The following RBM19 variants were observed in gnomAD, a reference collection of about 807,000 sequenced individuals.
RBM19 encodes the protein RNA binding motif protein 19.
RBM19 carries 94 observed loss-of-function variants against 116.8 expected under a neutral mutation model. The observed-to-expected ratio is 0.80, with a 90% CI of 0.68 to 0.95. The LOEUF is 0.95. Among genes scored for constraint, RBM19 ranks in the 40% least tolerant of loss-of-function variants. The probability of loss-of-function intolerance (pLI) is 0.00; values close to 1 mark genes in which losing one functional copy is unlikely to be tolerated. For missense variants in RBM19, 1,161 were observed against 1,220.7 expected (o/e 0.95, Z 0.73); for synonymous variants, 475 against 494.1 (o/e 0.96, Z 0.51).
At chr12:113,856,162 C>T (rs2135736595) in intron 22 of RBM19, among the ~76,000 whole-genome samples, 1 of 152,262 alleles carries the variant, frequency 6.6e-6, no homozygotes, top group South Asian at 2.1e-4. Context: ...GTACTGTCCT[C>T]GGCTGCCCTT....
Position 113,946,343 on chromosome 12 carries a change from G to A in RBM19, c.1529+11C>T. 1 of 1,614,078 alleles carries A rather than the reference G, an allele frequency of 6.2e-7. No homozygotes were observed. Among genetic ancestry groups the A allele is most frequent in the Non-Finnish European group, 8.5e-7 (1 of 1,179,990 alleles). ...GGGTTGGAGCTCAGTGGTTTCAGGG[G>A]CACTGAGGACCTGGCACTGTTGGCT... is the stretch of plus-strand genomic sequence containing the variant. On this transcript the variant is annotated intron_variant, in intron 12 of 23. Coordinates refer to ENST00000261741, the MANE Select transcript of RBM19 (RefSeq NM_016196.4).
chr12:113,823,372 G>T, intron 23 of RBM19, 51 bp from the exon 24 acceptor site: 1 of 1,524,244 alleles, frequency 6.6e-7, no homozygotes, highest in South Asian at 1.1e-5. Context: ...CGAGAGGGTT[G>T]GGAGGCAGGA....
chr12:113,819,712 TAG>T (rs1359002396), downstream of RBM19, among the ~76,000 whole-genome samples: 1 of 152,176 alleles, frequency 6.6e-6, no homozygotes, highest in South Asian at 2.1e-4. Context: ...CTCAAAGGCT[TAG>T]AGTCTCCCAG....
intron 22 of RBM19, among the ~76,000 whole-genome samples, chr12:113,852,418 G>T (rs1877534463): frequency 6.6e-6 from 1 of 152,190 alleles, no homozygotes; most frequent in South Asian, 2.1e-4. Flanking sequence ...AATTCCTCCA[G>T]GGCTCTGCTG....
chr12:113,886,617 G>T (rs768087699), intron 21 of RBM19, among the ~76,000 whole-genome samples: 6 of 152,242 alleles, frequency 3.9e-5, no homozygotes, highest in Non-Finnish European at 5.9e-5. Context: ...CTGTGGTGTG[G>T]CCTTTCTCAG....
At chr12:113,855,868 T>C (rs1190069922) in intron 22 of RBM19, among the ~76,000 whole-genome samples, 5 of 152,108 alleles carry the variant, frequency 3.3e-5, no homozygotes, top group Admixed American at 3.3e-4. Flanking sequence ...TACGGGTCAG[T>C]GGAGAGTGCT....
At chr12:113,845,639 T>C (rs150059034) in intron 22 of RBM19, among the ~76,000 whole-genome samples, 1 of 152,310 alleles carries the variant, frequency 6.6e-6, no homozygotes, top group African/African-American at 2.4e-5. Context: ...ACCAGTCTGC[T>C]TTCTGTCTCT....
At chr12:113,827,973 G>A (rs1200610917) in intron 23 of RBM19, among the ~76,000 whole-genome samples, 1 of 151,930 alleles carries the variant, frequency 6.6e-6, no homozygotes, top group Non-Finnish European at 1.5e-5. Context: ...CTAGCACACG[G>A]CAAGCTGTCA....
chr12:113,936,311 T>C (rs931977217), intron 16 of RBM19, among the ~76,000 whole-genome samples: 1 of 152,196 alleles, frequency 6.6e-6, no homozygotes, highest in African/African-American at 2.4e-5. Flanking sequence ...TTCTAAGATG[T>C]GGTCATGGTC....
At chr12:113,845,725 A>G (rs1439336860) in intron 22 of RBM19, among the ~76,000 whole-genome samples, 1 of 152,156 alleles carries the variant, frequency 6.6e-6, no homozygotes, top group Non-Finnish European at 1.5e-5. Context: ...AAACATCGCT[A>G]GGTCTCAAGT....
chr12:113,830,627 T>A (rs1875333081), intron 23 of RBM19, among the ~76,000 whole-genome samples: 2 of 138,762 alleles, frequency 1.4e-5, no homozygotes, highest in South Asian at 2.5e-4. Context: ...TGGTCCCACA[T>A]GTTTGTATTA....
chr12:113,903,357 T>C lies in RBM19; in HGVS notation c.2558+11612A>G. 6.6e-6 allele frequency among the ~76,000 whole-genome samples: 1 copy of C among 152,230 alleles called. No homozygotes were observed. Among genetic ancestry groups the C allele is most frequent in the African/African-American group, 2.4e-5 (1 of 41,462 alleles). ...CCACGTTATCAGTAGTCCATTCCTA[T>C]TTATGGCCGAATAACATTCCATTGT... On this transcript the variant is annotated intron_variant, in intron 21 of 23. Transcript: ENST00000261741. This position sits in a 1 kb window ranked among gnomAD's most constrained non-coding sequence, Gnocchi z 5.1.
At chr12:113,857,744 G>A (rs1278560119) in intron 22 of RBM19, among the ~76,000 whole-genome samples, 1 of 152,242 alleles carries the variant, frequency 6.6e-6, no homozygotes, top group African/African-American at 2.4e-5. Flanking sequence ...CTCTGCCTGT[G>A]CATGTTCCCA....
At chr12:113,927,473 C>T (rs112597110) in intron 16 of RBM19, 7 of 484,918 alleles carry the variant, frequency 1.4e-5, no homozygotes, top group Non-Finnish European at 2.5e-5. Context: ...AAACACAGCC[C>T]TCAAATGGAG....
At chr12:113,840,856 G>C (rs1876403704) in intron 23 of RBM19, among the ~76,000 whole-genome samples, 1 of 152,130 alleles carries the variant, frequency 6.6e-6, no homozygotes, top group African/African-American at 2.4e-5. Context: ...ACACTACTCC[G>C]CTCTGGGAGC....
At chr12:113,910,331 C>A (rs116506012) in intron 21 of RBM19, among the ~76,000 whole-genome samples, 1 of 152,228 alleles carries the variant, frequency 6.6e-6, no homozygotes, top group Non-Finnish European at 1.5e-5. Context: ...GGCCACTACA[C>A]CCAGGCTCCA....
intron 15 of RBM19, among the ~76,000 whole-genome samples, chr12:113,937,584 A>G (rs1870185206): frequency 1.3e-5 from 2 of 152,058 alleles, no homozygotes; most frequent in African/African-American, 2.4e-5. Context: ...ATACGTGTGC[A>G]TATGTGTGCA....
At chr12:113,906,542 G>A (rs1016758490) in intron 21 of RBM19, among the ~76,000 whole-genome samples, 1 of 152,142 alleles carries the variant, frequency 6.6e-6, no homozygotes, top group Non-Finnish European at 1.5e-5. Context: ...GTTACACAGT[G>A]GTGCTGAATT....
At position 113,838,623 on chromosome 12, in the gene RBM19, G is replaced by A. The variant is rs572611626; in HGVS notation, c.2785+6045C>T. On this transcript the variant is annotated intron_variant, in intron 23 of 23. Transcript: ENST00000261741. ...ACCTGTATTTACCTCCCAGGATTCTGCAGGACTCGTTCCCATGAAAGCTTG... is the reference window on the plus strand; with the variant it reads ...ACCTGTATTTACCTCCCAGGATTCTACAGGACTCGTTCCCATGAAAGCTTG... Among the ~76,000 whole-genome samples, 5 of 152,326 alleles carry A rather than the reference G, an allele frequency of 3.3e-5. 1 individual carries two copies. In the South Asian group the frequency reaches 1.0e-3, roughly 32 times the overall value.
Sources: gnomAD v4.1 joint callset for allele counts (sites outside exome capture counted in the v4.1 genomes callset) on GRCh38, gnomAD v4.1.1 for gene constraint, Gnocchi (gnomAD v3.1) non-coding constraint, MANE v1.5 for transcripts, NCBI Gene and HGNC (gene_info 2026-07-23, HGNC 2026-07-21) for gene names.